The following SH3D19 variants were observed in gnomAD, a reference collection of about 807,000 sequenced individuals.
SH3D19 encodes SH3 domain containing 19.
Under a neutral mutation model 112.1 loss-of-function variants are expected in SH3D19, and 58 were observed. The ratio of observed to expected loss-of-function variants is 0.52; its 90% CI spans 0.42 to 0.64. The LOEUF (loss-of-function observed/expected upper bound fraction) is 0.64, where lower values mean the gene tolerates loss of function less well. Among genes scored for constraint, SH3D19 ranks in the 30% least tolerant of loss-of-function variants. SH3D19 has a pLI of 0.00. For missense variants in SH3D19, 1,090 were observed against 1,263.4 expected (o/e 0.86, Z 2.08); for synonymous variants, 391 against 448.5 (o/e 0.87, Z 1.62).
chr4:151,232,658 G>T (rs1283052426), intron 1 of SH3D19, among the ~76,000 whole-genome samples: 1 of 152,114 alleles, frequency 6.6e-6, no homozygotes, highest in African/African-American at 2.4e-5. Flanking sequence ...GGTATGAAAG[G>T]TTTAGTTCAA....
intron 9 of SH3D19, among the ~76,000 whole-genome samples, chr4:151,156,528 C>T (rs1275128294): frequency 1.3e-5 from 2 of 152,166 alleles, no homozygotes; most frequent in African/African-American, 4.8e-5. Context: ...CACATATCTA[C>T]AGCCAATCGA....
chr4:151,133,488 G>A (rs1237327479), intron 15 of SH3D19, among the ~76,000 whole-genome samples: 1 of 152,180 alleles, frequency 6.6e-6, no homozygotes, highest in East Asian at 1.9e-4. Flanking sequence ...TTACCCTGCT[G>A]TGTCTTTTGA....
At chr4:151,185,491 A>C (rs565827690) in intron 3 of SH3D19, among the ~76,000 whole-genome samples, 10 of 152,080 alleles carry the variant, frequency 6.6e-5, no homozygotes, top group Admixed American at 3.3e-4. Context: ...CTAGATCCTA[A>C]TTTTGTATTT....
chr4:151,266,988 T>C (rs1363560240), intron 1 of SH3D19, among the ~76,000 whole-genome samples: 1 of 152,168 alleles, frequency 6.6e-6, no homozygotes, highest in Non-Finnish European at 1.5e-5. Context: ...TAATATTTAA[T>C]TTAACAGATC....
intron 2 of SH3D19, among the ~76,000 whole-genome samples, chr4:151,203,843 A>G (rs147587259): frequency 1.3e-5 from 2 of 152,288 alleles, no homozygotes; most frequent in Admixed American, 1.3e-4. Flanking sequence ...ATTTTATATT[A>G]TTTAGGGGAA....
chr4:151,233,871 G>A (rs1769804241), intron 1 of SH3D19, among the ~76,000 whole-genome samples: 1 of 152,198 alleles, frequency 6.6e-6, no homozygotes, highest in South Asian at 2.1e-4. Context: ...AGCAGCGTCT[G>A]ATGTAGGCAG....
chr4:151,140,935 G>T (rs1314810683), intron 12 of SH3D19: 1 of 152,142 alleles, frequency 6.6e-6, no homozygotes, highest in Non-Finnish European at 1.5e-5. Flanking sequence ...AAATGCACCT[G>T]CAGAAACAAA....
intron 2 of SH3D19, among the ~76,000 whole-genome samples, chr4:151,195,450 A>G (rs1763324286): frequency 6.6e-6 from 1 of 151,268 alleles, no homozygotes; most frequent in South Asian, 2.1e-4. Context: ...CCTAATGCCT[A>G]TGTTATTCCA....
At position 151,175,020 on chromosome 4, in the gene SH3D19, A is replaced by G. The variant is rs765175537; in HGVS notation, c.1184T>C (p.Val395Ala). Residue 395 changes from valine to alanine, a missense_variant, in exon 7 of 20, where the codon GTT becomes GCT. Coordinates refer to ENST00000604030, the MANE Select transcript of SH3D19 (RefSeq NM_001378122.1). ...CCCTCTTCCCGGAATCTCAGGATTA[A>G]CACTTCGTATAAGGCCAGGGTTTGG... ...KKPNPGLIRS[V>A]NPEIPGRGPL... is the part of the protein sequence containing the mutation. 6.8e-6 allele frequency: 11 copies of G among 1,614,098 alleles called. No individual in the cohort carries two copies. In the East Asian group the frequency reaches 2.2e-4, roughly 33 times the overall value.
chr4:151,263,129 C>T (rs1772505505), intron 1 of SH3D19, among the ~76,000 whole-genome samples: 2 of 152,100 alleles, frequency 1.3e-5, no homozygotes, highest in African/African-American at 4.8e-5. Context: ...ACAAGTCAGC[C>T]TAGTAAACAA....
chr4:151,225,990 C>T (rs998544353), intron 2 of SH3D19, 57 bp downstream of exon 2: 1 of 1,158,460 alleles, frequency 8.6e-7, no homozygotes. Context: ...TGCTTCCAAA[C>T]AATACTTTTC....
chr4:151,250,661 C>T (rs1771296133), intron 1 of SH3D19, among the ~76,000 whole-genome samples: 1 of 152,114 alleles, frequency 6.6e-6, no homozygotes, highest in African/African-American at 2.4e-5. Flanking sequence ...AAAAACCCAA[C>T]CATATATTAT....
chr4:151,209,126 T>C (rs182057431), intron 2 of SH3D19, among the ~76,000 whole-genome samples: 1 of 152,186 alleles, frequency 6.6e-6, no homozygotes, highest in Admixed American at 6.5e-5. Context: ...TAAAGAAAGA[T>C]TAAGAAACTT....
intron 1 of SH3D19, among the ~76,000 whole-genome samples, chr4:151,307,207 A>G (rs902383653): frequency 6.6e-6 from 1 of 151,148 alleles, no homozygotes; most frequent in African/African-American, 2.4e-5. Context: ...TATTTTTAGT[A>G]GAGACGGGGT....
At chr4:151,306,989 C>T (rs1580457326) in intron 1 of SH3D19, among the ~76,000 whole-genome samples, 4 of 151,084 alleles carry the variant, frequency 2.6e-5, no homozygotes, top group Non-Finnish European at 5.9e-5. Flanking sequence ...AAAGCAGCAG[C>T]TGCTGCAATC....
At chr4:151,135,466 C>T (rs1751630227) in intron 14 of SH3D19, among the ~76,000 whole-genome samples, 1 of 112,960 alleles carries the variant, frequency 8.9e-6, no homozygotes, top group Non-Finnish European at 1.7e-5. Flanking sequence ...CTTACTCTGT[C>T]ACCCAGGCTG....
At chr4:151,299,740 A>C (rs1728165876) in intron 1 of SH3D19, among the ~76,000 whole-genome samples, 1 of 148,414 alleles carries the variant, frequency 6.7e-6, no homozygotes, top group Non-Finnish European at 1.5e-5. Context: ...AGTACCATAA[A>C]CAAGAAAAAA....
At chr4:151,247,839 G>A (rs1771049715) in intron 1 of SH3D19, among the ~76,000 whole-genome samples, 1 of 152,100 alleles carries the variant, frequency 6.6e-6, no homozygotes, top group Non-Finnish European at 1.5e-5. Context: ...AATTGAATGT[G>A]GTACTCTGCA....
At position 151,148,002 on chromosome 4, in the gene SH3D19, T is replaced by C. The variant is rs766358237; in HGVS notation, c.2002A>G (p.Lys668Glu). The C allele has an allele frequency of 1.2e-6, 2 of 1,614,190 alleles. No homozygotes were observed. The highest frequency in any genetic ancestry group is 1.1e-5 in the South Asian group (1 of 91,086). The change falls in exon 11 of 20, where the codon AAG (lysine) becomes GAG (glutamate). Residue 668 changes from lysine to glutamate, a missense_variant. Physicochemically the swap from Lys to Glu is moderately conservative, Grantham distance 56. Transcript: ENST00000604030. ...SNLATGLSKA[K>E]SQVFKNQDPV... ...TCTTGATTTTTAAAAACTTGACTCT[T>C]GGCTTTTGAGAGTCCAGTTGCCAAG... is the stretch of plus-strand genomic sequence containing the variant.
Sources: gnomAD v4.1 joint callset for allele counts (sites outside exome capture counted in the v4.1 genomes callset) on GRCh38, gnomAD v4.1.1 for gene constraint, MANE v1.5 for transcripts, NCBI Gene and HGNC (gene_info 2026-07-23, HGNC 2026-07-21) for gene names.